MCTP1: variants seen among roughly 807,000 people sequenced by gnomAD.
MCTP1 encodes the protein multiple C2 and transmembrane domain containing 1, also known as multiple C2 and transmembrane domain-containing protein 1.
In MCTP1, 69 loss-of-function variants were observed where a neutral mutation model predicts 120.6. That is an observed-to-expected ratio of 0.57 (90% confidence interval 0.47 to 0.70). MCTP1 has a LOEUF of 0.70. Ranked by LOEUF, MCTP1 falls within the 30% of genes least tolerant of loss-of-function variation. MCTP1 has a pLI of 0.00. For missense variants in MCTP1, 1,203 were observed against 1,248.8 expected, an observed-to-expected ratio of 0.96 and a Z score of 0.55; for synonymous variants, 529 against 493.1, an observed-to-expected ratio of 1.07 and a Z score of -0.96.
chr5:94,889,810 A>G (rs1802186223), intron 11 of MCTP1, among the ~76,000 whole-genome samples: 1 of 151,740 alleles, frequency 6.6e-6, no homozygotes, highest in African/African-American at 2.4e-5. Context: ...TTGTTGCTAT[A>G]TAAGTAGATT....
At chr5:94,749,845 A>G (rs1467140122) in intron 19 of MCTP1, among the ~76,000 whole-genome samples, 1 of 152,148 alleles carries the variant, frequency 6.6e-6, no homozygotes, top group East Asian at 1.9e-4. Flanking sequence ...CTGTAAGGTA[A>G]GCACTGTTAC....
intron 1 of MCTP1, among the ~76,000 whole-genome samples, chr5:95,157,566 G>A (rs898855153): frequency 2.0e-5 from 3 of 152,156 alleles, no homozygotes; most frequent in Non-Finnish European, 1.5e-5. Context: ...GGCTAAAGAC[G>A]AAGGCAAGAG....
At chr5:94,939,705 A>T (rs1359212480) in intron 5 of MCTP1, among the ~76,000 whole-genome samples, 1 of 152,000 alleles carries the variant, frequency 6.6e-6, no homozygotes, top group African/African-American at 2.4e-5. Flanking sequence ...GTTATGGTAC[A>T]CCTGACAATA....
chr5:94,989,391 C>G (rs1234498390), intron 2 of MCTP1, among the ~76,000 whole-genome samples: 1 of 152,182 alleles, frequency 6.6e-6, no homozygotes, highest in African/African-American at 2.4e-5. Flanking sequence ...TTTATTGTCT[C>G]ACAGTTTCTG....
In MCTP1 at chr5:95,284,216, C is replaced by T. The variant is rs756703108; in HGVS notation, c.360G>A (p.Thr120=). ...GGAGRAEQGS[T]LRRRIREHLL... ...AATGCTCGCGGATCCGGCGGCGTAG[C>T]GTGGACCCCTGCTCGGCTCTGCCGG... The change falls in exon 1 of 23, where the codon ACG becomes ACA. Residue 120 remains threonine, a synonymous_variant. Coordinates refer to ENST00000515393, the MANE Select transcript of MCTP1 (RefSeq NM_024717.7). This position sits in a 1 kb window ranked among gnomAD's most constrained non-coding sequence, Gnocchi z 5.2. 5 of 1,576,692 alleles carry T rather than the reference C, an allele frequency of 3.2e-6. No individual in the cohort carries two copies. Among genetic ancestry groups the T allele is most frequent in the Non-Finnish European group, 3.4e-6 (4 of 1,167,124 alleles).
chr5:94,950,541 CTATA>C (rs926124145), intron 3 of MCTP1, among the ~76,000 whole-genome samples: 5 of 151,880 alleles, frequency 3.3e-5, no homozygotes, highest in African/African-American at 1.2e-4. Flanking sequence ...TATATGCAGA[CTATA>C]TATATAGAGT....
At chr5:95,025,570 A>G (rs1486945719) in intron 1 of MCTP1, among the ~76,000 whole-genome samples, 1 of 152,236 alleles carries the variant, frequency 6.6e-6, no homozygotes, top group African/African-American at 2.4e-5. Context: ...AGAAAAAATC[A>G]TGGAAGAGTA....
At chr5:95,213,349 C>T (rs895607537) in intron 1 of MCTP1, among the ~76,000 whole-genome samples, 1 of 152,140 alleles carries the variant, frequency 6.6e-6, no homozygotes, top group African/African-American at 2.4e-5. Flanking sequence ...AACCACTGCT[C>T]AATGAAATAG....
At chr5:94,815,896 A>C (rs919803271) in intron 17 of MCTP1, among the ~76,000 whole-genome samples, 2 of 152,178 alleles carry the variant, frequency 1.3e-5, no homozygotes, top group African/African-American at 4.8e-5. Context: ...AGCAAAACAC[A>C]CGTCATACCA....
intron 1 of MCTP1, among the ~76,000 whole-genome samples, chr5:95,076,099 T>C (rs1027822820): frequency 6.6e-6 from 1 of 152,128 alleles, no homozygotes; most frequent in African/African-American, 2.4e-5. Flanking sequence ...TATATACCTA[T>C]GATAAAGTTT....
intron 19 of MCTP1, among the ~76,000 whole-genome samples, chr5:94,770,121 C>T (rs1177277235): frequency 6.6e-6 from 1 of 152,016 alleles, no homozygotes; most frequent in Non-Finnish European, 1.5e-5. Context: ...ATCTTGGCAC[C>T]CTGGGTTCAG....
intron 6 of MCTP1, among the ~76,000 whole-genome samples, chr5:94,924,521 T>G (rs146087833): frequency 7.2e-5 from 11 of 152,292 alleles, no homozygotes; most frequent in Non-Finnish European, 1.6e-4. Context: ...GTAAGTGACT[T>G]AGTTAACTGA....
chr5:95,139,147 AAGTT>A (rs1759702176), intron 1 of MCTP1, among the ~76,000 whole-genome samples: 2 of 152,248 alleles, frequency 1.3e-5, no homozygotes, highest in African/African-American at 4.8e-5. Context: ...TCCATCAAAA[AAGTT>A]AGATCTTCAT....
At chr5:94,816,065 G>C (rs1004086125) in intron 17 of MCTP1, among the ~76,000 whole-genome samples, 3 of 152,162 alleles carry the variant, frequency 2.0e-5, no homozygotes, top group African/African-American at 7.2e-5. Flanking sequence ...ATAATGCTAA[G>C]ACTTCTCCCA....
At chr5:94,780,766 A>AT in intron 18 of MCTP1, among the ~76,000 whole-genome samples, 1 of 152,146 alleles carries the variant, frequency 6.6e-6, no homozygotes, top group African/African-American at 2.4e-5. Flanking sequence ...AGTGCTAGGT[A>AT]ATGTGGGAAT....
chr5:94,722,464 T>C (rs1761134103), intron 19 of MCTP1, among the ~76,000 whole-genome samples: 1 of 152,164 alleles, frequency 6.6e-6, no homozygotes, highest in Non-Finnish European at 1.5e-5. Context: ...GTAGAATATA[T>C]TTGCTACAAA....
chr5:94,911,754 T>C lies in MCTP1; in HGVS notation c.1521+1052A>G, dbSNP rs191378143. ...AATATAGTTATGACTACTAGACCCTTATTCATTATTACTTATATTACTAAT... is the reference window on the plus strand; with the variant it reads ...AATATAGTTATGACTACTAGACCCTCATTCATTATTACTTATATTACTAAT... On this transcript the variant is annotated intron_variant, in intron 9 of 22. Coordinates refer to ENST00000515393, the MANE Select transcript of MCTP1 (RefSeq NM_024717.7). 1.5e-3 allele frequency among the ~76,000 whole-genome samples: 222 copies of C among 152,268 alleles called. 2 individuals carry two copies. Among genetic ancestry groups the C allele is most frequent in the Middle Eastern group, 0.014 (4 of 294 alleles).
intron 3 of MCTP1, among the ~76,000 whole-genome samples, chr5:94,946,096 A>G (rs1011577812): frequency 6.6e-6 from 1 of 152,216 alleles, no homozygotes; most frequent in Non-Finnish European, 1.5e-5. Flanking sequence ...GAATGTTAAG[A>G]TGGAGGAAGT....
At chr5:94,925,532 C>T (rs1437159186) in intron 6 of MCTP1, among the ~76,000 whole-genome samples, 1 of 152,034 alleles carries the variant, frequency 6.6e-6, no homozygotes, top group Non-Finnish European at 1.5e-5. Flanking sequence ...CCTCAGCCTC[C>T]CAAGTAGCTG....
Sources: gnomAD v4.1 joint callset for allele counts (sites outside exome capture counted in the v4.1 genomes callset) on GRCh38, gnomAD v4.1.1 for gene constraint, Gnocchi (gnomAD v3.1) non-coding constraint, MANE v1.5 for transcripts, NCBI Gene and HGNC (gene_info 2026-07-23, HGNC 2026-07-21) for gene names.